The following MED25 variants were observed in gnomAD, a reference collection of about 807,000 sequenced individuals.
The protein encoded by MED25 is mediator complex subunit 25.
MED25 carries 62 observed loss-of-function variants against 89.4 expected under a neutral mutation model. The observed-to-expected ratio is 0.69, with a 90% CI of 0.57 to 0.86. The LOEUF (loss-of-function observed/expected upper bound fraction) is 0.86, where lower values mean the gene tolerates loss of function less well. Among genes scored for constraint, MED25 ranks in the 40% least tolerant of loss-of-function variants. The probability of loss-of-function intolerance (pLI) is 0.00; values close to 1 mark genes in which losing one functional copy is unlikely to be tolerated. For missense variants in MED25, 905 were observed against 1,005.2 expected (o/e 0.90, Z 1.35); for synonymous variants, 449 against 427.9 (o/e 1.05, Z -0.61).
chr19:49,822,421 C>G (rs2073989663), intron 3 of MED25, among the ~76,000 whole-genome samples: 1 of 151,978 alleles, frequency 6.6e-6, no homozygotes, highest in Non-Finnish European at 1.5e-5. Context: ...GACTGACTGA[C>G]TGAGACCCTG....
intron 12 of MED25, 69 bp from the exon 13 acceptor site, chr19:49,832,239 C>G: frequency 2.0e-6 from 3 of 1,538,074 alleles, no homozygotes; most frequent in Non-Finnish European, 2.7e-6. Context: ...CCCACCCCCA[C>G]TCCCTGCCTC....
At position 49,835,463 on chromosome 19, in the gene MED25, C is replaced by T. The variant is rs960511733; in HGVS notation, c.1675-71C>T. On this transcript the variant is annotated intron_variant, in intron 14 of 17. Coordinates refer to ENST00000312865, the MANE Select transcript of MED25 (RefSeq NM_030973.4). This position sits in a 1 kb window ranked among gnomAD's most constrained non-coding sequence, Gnocchi z 6.2. ...CTCCTTACTAGTTCCCCTCAGGGCA[C>T]AGGCCCTCCCGCCTCAGATTCAGGA... 5 of 1,431,082 alleles carry T rather than the reference C, an allele frequency of 3.5e-6. No individual in the cohort carries two copies. The highest frequency in any genetic ancestry group is 2.8e-5 in the African/African-American group (2 of 70,238). 88.6% of individuals were successfully genotyped at this position (1,431,082 alleles called of 1,614,324 possible). A position where few individuals can be genotyped will look rare whatever the true frequency, so the allele number is the denominator to read the frequency against.
At position 49,836,212 on chromosome 19, in the gene MED25, CTG is replaced by C. The variant is rs778581967; in HGVS notation, c.1966-10_1966-9del. ...CTACCAGGAGCCTCTGAGCCACTCTCTGTGTTCTCCCAGCCGCAGACTGGGGT... is the reference window on the plus strand; with the variant it reads ...CTACCAGGAGCCTCTGAGCCACTCTCTGTTCTCCCAGCCGCAGACTGGGGT... On this transcript the variant is annotated splice_polypyrimidine_tract_variant and intron_variant, in intron 16 of 17. Transcript: ENST00000312865. The surrounding 1 kb of genome is among the most constrained non-coding windows in gnomAD (Gnocchi z 5.1). The C allele has an allele frequency of 1.6e-5, 25 of 1,611,298 alleles. No homozygotes were observed. The Admixed American group carries it at 4.2e-4, about 27-fold the overall frequency.
chr19:49,824,761 C>G (rs2074005049), intron 3 of MED25, among the ~76,000 whole-genome samples: 1 of 152,188 alleles, frequency 6.6e-6, no homozygotes, highest in Non-Finnish European at 1.5e-5. Context: ...AAGGTCCTGG[C>G]CCTCATGGAA....
At chr19:49,818,682 G>A (rs2123861035) in intron 2 of MED25, 66 bp downstream of exon 2, 2 of 1,471,916 alleles carry the variant, frequency 1.4e-6, no homozygotes, top group East Asian at 2.3e-5. Context: ...GGGTCTGAGG[G>A]AGGGAGAAAG....
chr19:49,835,551 AC>A lies in MED25; in HGVS notation c.1697del (p.Pro566GlnfsTer31). The part of the protein sequence containing the change: ...QQRGMGGQQA[P>X]PGLGPILEDQ... The stretch of plus-strand genomic sequence containing the variant: ...CCGTGCAGATGGGGGGACAGCAGGC[AC>A]CCCCAGGGCTGGGGCCCATTCTGGA... On this transcript the variant is annotated frameshift_variant, in exon 15 of 18. Transcript: ENST00000312865. LOFTEE classifies it high-confidence loss of function. This position sits in a 1 kb window ranked among gnomAD's most constrained non-coding sequence, Gnocchi z 6.2. The A allele has an allele frequency of 6.4e-7, 1 of 1,563,082 alleles. No individual in the cohort carries two copies. The highest frequency in any genetic ancestry group is 8.7e-7 in the Non-Finnish European group (1 of 1,154,312).
chr19:49,826,463 C>G lies in MED25; in HGVS notation c.306-1986C>G, dbSNP rs996252482. On this transcript the variant is annotated intron_variant, in intron 3 of 17. Transcript: ENST00000312865. ...TCAGGGGCTCAGTGTGCTCACTGGC[C>G]GGGCCGAGTGGGACTGGAAGGAAAT... Among the ~76,000 whole-genome samples the G allele has an allele frequency of 7.9e-5, 12 of 152,296 alleles. 1 individual carries two copies. Among genetic ancestry groups the G allele is most frequent in the Admixed American group, 7.2e-4 (11 of 15,304 alleles).
At chr19:49,819,696 T>C (rs2073968671) in intron 3 of MED25, 1 of 345,366 alleles carries the variant, frequency 2.9e-6, no homozygotes, top group Admixed American at 4.1e-5. Flanking sequence ...ACTCCCTGTG[T>C]GATTGTCCCC....
intron 3 of MED25, among the ~76,000 whole-genome samples, chr19:49,825,165 T>G (rs2074007934): frequency 1.3e-5 from 2 of 152,192 alleles, no homozygotes; most frequent in African/African-American, 4.8e-5. Flanking sequence ...GCACATGACT[T>G]GTACTTAGTG....
At position 49,831,925 on chromosome 19, in the gene MED25, T is replaced by G. The variant is rs771182615; in HGVS notation, c.1231-11T>G. 1 of 1,613,458 alleles carries G rather than the reference T, an allele frequency of 6.2e-7. No homozygotes were observed. On this transcript the variant is annotated splice_polypyrimidine_tract_variant and intron_variant, in intron 10 of 17. Coordinates refer to ENST00000312865, the MANE Select transcript of MED25 (RefSeq NM_030973.4). The surrounding 1 kb of genome is among the most constrained non-coding windows in gnomAD (Gnocchi z 5.0). ...GCCCTTTTTACTGACATGCTCTTTT[T>G]TCCCCCTCAGAAACCCAAACCTGCC...
intron 3 of MED25, among the ~76,000 whole-genome samples, chr19:49,822,284 A>G (rs1190272284): frequency 7.8e-5 from 11 of 140,856 alleles, no homozygotes; most frequent in African/African-American, 3.0e-4. Flanking sequence ...AAAAAAAAAA[A>G]CCATACAAAA....
At chr19:49,822,107 C>T (rs904586741) in intron 3 of MED25, among the ~76,000 whole-genome samples, 2 of 151,282 alleles carry the variant, frequency 1.3e-5, no homozygotes, top group African/African-American at 2.4e-5. Flanking sequence ...ACTAAAAATA[C>T]AAAAATTTAA....
In MED25 at chr19:49,829,934, G is replaced by T; in HGVS notation, c.674G>T (p.Gly225Val). The T allele has an allele frequency of 6.2e-7, 1 of 1,612,162 alleles. No homozygotes were observed. The highest frequency in any genetic ancestry group is 1.1e-5 in the South Asian group (1 of 91,032). The change falls in exon 6 of 18, where the codon GGA (glycine) becomes GTA (valine). Residue 225 changes from glycine (G) to valine (V), a missense_variant. Physicochemically the swap from Gly to Val is moderately radical, Grantham distance 109 (BLOSUM62 -3). Coordinates refer to ENST00000312865, the MANE Select transcript of MED25 (RefSeq NM_030973.4). The surrounding 1 kb of genome is among the most constrained non-coding windows in gnomAD (Gnocchi z 4.6). The part of the protein sequence containing the change: ...QDPRHMVLVR[G>V]LVLPVGGGSA... ...CCGAGGCACATGGTGCTGGTTCGGGGACTCGTGCTGCCTGGTGAGGCCTGG... is the reference window on the plus strand; with the variant it reads ...CCGAGGCACATGGTGCTGGTTCGGGTACTCGTGCTGCCTGGTGAGGCCTGG...
In MED25 at chr19:49,834,919, A is replaced by C; in HGVS notation, c.1483-67A>C. ...TGTGGGGCCTCTAGAGCCTTCTGGA[A>C]TGGGGAGGGGGTCAGGGCTGCCTCT... On this transcript the variant is annotated intron_variant, in intron 13 of 17. Coordinates refer to ENST00000312865, the MANE Select transcript of MED25 (RefSeq NM_030973.4). The surrounding 1 kb of genome is among the most constrained non-coding windows in gnomAD (Gnocchi z 4.1). The C allele has an allele frequency of 1.9e-6, 3 of 1,548,390 alleles. No homozygotes were observed. The highest frequency in any genetic ancestry group is 2.7e-6 in the Non-Finnish European group (3 of 1,123,732).
intron 3 of MED25, among the ~76,000 whole-genome samples, chr19:49,820,625 T>C (rs1022681238): frequency 1.3e-5 from 2 of 152,070 alleles, no homozygotes; most frequent in African/African-American, 4.8e-5. Flanking sequence ...GCTGGGAGAG[T>C]CTCCAAGAGC....
Position 49,836,786 on chromosome 19 carries a change from TG to T in MED25, c.2147-58del. 1 of 1,314,986 alleles carries T rather than the reference TG, an allele frequency of 7.6e-7. No homozygotes were observed. The highest frequency in any genetic ancestry group is 1.1e-6 in the Non-Finnish European group (1 of 919,800). 81.5% of individuals were successfully genotyped at this position (1,314,986 alleles called of 1,614,324 possible). ...GGCTGCCTAGAAAACTTAGTGCCTCTGGGCCCTCCTGGGCCCAAGGGCCTAC... is the reference window on the plus strand; with the variant it reads ...GGCTGCCTAGAAAACTTAGTGCCTCTGGCCCTCCTGGGCCCAAGGGCCTAC... On this transcript the variant is annotated intron_variant, in intron 17 of 17. Coordinates refer to ENST00000312865, the MANE Select transcript of MED25 (RefSeq NM_030973.4). This position sits in a 1 kb window ranked among gnomAD's most constrained non-coding sequence, Gnocchi z 5.1.
chr19:49,832,570 C>A (rs2074066281), intron 13 of MED25, among the ~76,000 whole-genome samples, 155 bp downstream of exon 13: 1 of 152,066 alleles, frequency 6.6e-6, no homozygotes, highest in African/African-American at 2.4e-5. Context: ...TCTTCTAGAG[C>A]CGTGACTTTT....
Position 49,834,989 on chromosome 19 carries a change from G to A in MED25, c.1486G>A (p.Gly496Ser), listed in dbSNP as rs1259810524. 1 of 1,613,884 alleles carries A rather than the reference G, an allele frequency of 6.2e-7. No individual in the cohort carries two copies. Among genetic ancestry groups the A allele is most frequent in the Non-Finnish European group, 8.5e-7 (1 of 1,180,002 alleles). Residue 496 changes from glycine to serine, a missense_variant, in exon 14 of 18, where the codon GGC becomes AGC. Physicochemically the swap from Gly to Ser is moderately conservative, Grantham distance 56. Coordinates refer to ENST00000312865, the MANE Select transcript of MED25 (RefSeq NM_030973.4). This position sits in a 1 kb window ranked among gnomAD's most constrained non-coding sequence, Gnocchi z 4.1. ...LYRIMGNGFA[G>S]CVHFPHTAPC... ...TGAAGAGCTGTTGTCCACCCAGGCGGGCTGCGTGCACTTCCCCCACACGGC... is the reference window on the plus strand; with the variant it reads ...TGAAGAGCTGTTGTCCACCCAGGCGAGCTGCGTGCACTTCCCCCACACGGC...
At chr19:49,824,971 A>G (rs898007866) in intron 3 of MED25, among the ~76,000 whole-genome samples, 1 of 152,070 alleles carries the variant, frequency 6.6e-6, no homozygotes, top group African/African-American at 2.4e-5. Context: ...GTCAGAGCCC[A>G]CTTGTGTCAC....
Sources: gnomAD v4.1 joint callset for allele counts (sites outside exome capture counted in the v4.1 genomes callset) on GRCh38, gnomAD v4.1.1 for gene constraint, Gnocchi (gnomAD v3.1) non-coding constraint, MANE v1.5 for transcripts, NCBI Gene and HGNC (gene_info 2026-07-23, HGNC 2026-07-21) for gene names.